EYS: variants seen among roughly 807,000 people sequenced by gnomAD.
EYS encodes EGF-like photoreceptor maintenance factor, also known as protein eyes shut homolog.
A neutral mutation model predicts 282.1 loss-of-function variants in EYS; 250 were observed. That is an observed-to-expected ratio of 0.89 (90% CI 0.80 to 0.98). The LOEUF is 0.98. Ranked by LOEUF, EYS falls within the 50% of genes least tolerant of loss-of-function variation. EYS has a pLI of 0.00. For synonymous variants in EYS, 1,355 were observed against 1,282.9 expected, an observed-to-expected ratio of 1.06 and a Z score of -1.20; for missense variants, 4,016 against 3,709.0, an observed-to-expected ratio of 1.08 and a Z score of -2.15.
At chr6:65,230,839 A>G (rs1295152540) in intron 12 of EYS, among the ~76,000 whole-genome samples, 1 of 151,478 alleles carries the variant, frequency 6.6e-6, no homozygotes, top group African/African-American at 2.4e-5. Context: ...TTGTTTTGGG[A>G]AAAAAATATT....
intron 31 of EYS, among the ~76,000 whole-genome samples, chr6:64,126,302 C>A (rs142489012): frequency 1.5e-5 from 2 of 130,298 alleles, no homozygotes; most frequent in Non-Finnish European, 3.4e-5. Flanking sequence ...TTGGAACCAA[C>A]CCAAATGTCC....
intron 36 of EYS, among the ~76,000 whole-genome samples, chr6:63,811,600 GTCTC>G (rs1724642247): frequency 6.6e-6 from 1 of 151,962 alleles, no homozygotes; most frequent in African/African-American, 2.4e-5. Context: ...TGAGTAAACA[GTCTC>G]TATCCCTGCT....
intron 22 of EYS, among the ~76,000 whole-genome samples, chr6:64,647,036 AT>A (rs1768378831): frequency 6.6e-6 from 1 of 152,106 alleles, no homozygotes; most frequent in Non-Finnish European, 1.5e-5. Flanking sequence ...TTTTTTTCTA[AT>A]TTTCCAACTT....
intron 31 of EYS, among the ~76,000 whole-genome samples, chr6:64,151,323 A>ATATATATATATATATT (rs1774707947): frequency 3.1e-5 from 2 of 64,720 alleles, no homozygotes; most frequent in African/African-American, 1.7e-4. Context: ...ATATTTATAT[A>ATATATATATATATATT]TATATATATA....
rs144065818 is a variant in EYS, at chr6:65,091,064, A to C, written c.2024-33337T>G. Among the ~76,000 whole-genome samples the C allele has an allele frequency of 3.9e-3, 588 of 152,130 alleles. 3 individuals carry two copies. Among genetic ancestry groups the C allele is most frequent in the Non-Finnish European group, 6.0e-3 (409 of 67,992 alleles). ...AAACATGCATTTTTTAGAGTATAAG[A>C]AATAAACACTAATTGTTAAATTATA... On this transcript the variant is annotated intron_variant, in intron 12 of 42. Coordinates refer to ENST00000503581, the MANE Select transcript of EYS (RefSeq NM_001142800.2).
intron 12 of EYS, among the ~76,000 whole-genome samples, chr6:65,255,531 G>A (rs1192312942): frequency 1.3e-5 from 2 of 152,006 alleles, no homozygotes; most frequent in East Asian, 3.9e-4. Context: ...CAAGCTAAAA[G>A]CTTCTGTACA....
chr6:64,727,651 T>C (rs1403955146), intron 22 of EYS, among the ~76,000 whole-genome samples: 1 of 152,118 alleles, frequency 6.6e-6, no homozygotes, highest in East Asian at 1.9e-4. Flanking sequence ...TAAAGGTGAG[T>C]CTTGTTTTTA....
chr6:64,751,491 T>C (rs1288516320), intron 22 of EYS, among the ~76,000 whole-genome samples: 1 of 152,176 alleles, frequency 6.6e-6, no homozygotes, highest in Non-Finnish European at 1.5e-5. Flanking sequence ...GCCTTTGAGA[T>C]ACCTGTAGGT....
intron 13 of EYS, among the ~76,000 whole-genome samples, chr6:65,015,409 T>TGGGACAAGATC (rs1290550358): frequency 6.6e-6 from 1 of 152,206 alleles, no homozygotes; most frequent in Non-Finnish European, 1.5e-5. Context: ...GACAAGATCC[T>TGGGACAAGATC]ACAAGTCTTT....
chr6:65,253,619 TA>T (rs1213129683), intron 12 of EYS, among the ~76,000 whole-genome samples: 3 of 151,864 alleles, frequency 2.0e-5, no homozygotes, highest in Non-Finnish European at 4.4e-5. Context: ...GAAATTATTC[TA>T]AAAACAATAT....
At chr6:65,038,012 T>C (rs1398242800) in intron 13 of EYS, among the ~76,000 whole-genome samples, 1 of 151,626 alleles carries the variant, frequency 6.6e-6, no homozygotes, top group African/African-American at 2.4e-5. Context: ...ATTTCAACAA[T>C]ATCTACAAAT....
chr6:63,905,993 T>C (rs1773771325), intron 35 of EYS, among the ~76,000 whole-genome samples: 1 of 152,214 alleles, frequency 6.6e-6, no homozygotes, highest in South Asian at 2.1e-4. Context: ...GCTCAATCCC[T>C]GAAGCTCATT....
chr6:65,076,430 T>C (rs1774053288), intron 12 of EYS, among the ~76,000 whole-genome samples: 1 of 152,034 alleles, frequency 6.6e-6, no homozygotes, highest in African/African-American at 2.4e-5. Flanking sequence ...TTATAGGGTA[T>C]GAGGCATCCC....
intron 12 of EYS, among the ~76,000 whole-genome samples, chr6:65,135,522 T>C (rs978773448): frequency 1.4e-4 from 22 of 152,068 alleles, no homozygotes; most frequent in Non-Finnish European, 2.9e-5. Context: ...ATAAAGAATG[T>C]AGTTTCAGTG....
chr6:65,213,656 C>T (rs1439672287), intron 12 of EYS, among the ~76,000 whole-genome samples: 2 of 152,084 alleles, frequency 1.3e-5, no homozygotes, highest in South Asian at 2.1e-4. Flanking sequence ...AACTTAATTG[C>T]TAAATGTTGT....
intron 26 of EYS, among the ~76,000 whole-genome samples, chr6:64,451,515 C>T (rs1232424176): frequency 2.0e-5 from 3 of 152,080 alleles, no homozygotes; most frequent in Admixed American, 6.6e-5. Flanking sequence ...TTTATGAGGC[C>T]AGCATCAACC....
At chr6:64,679,025 T>A (rs1769803445) in intron 22 of EYS, among the ~76,000 whole-genome samples, 1 of 151,116 alleles carries the variant, frequency 6.6e-6, no homozygotes, top group African/African-American at 2.4e-5. Context: ...ATGTGTTCAA[T>A]ATGTTATACA....
intron 7 of EYS, among the ~76,000 whole-genome samples, chr6:65,390,725 T>A (rs1287503708): frequency 2.6e-5 from 4 of 151,630 alleles, no homozygotes; most frequent in Non-Finnish European, 5.9e-5. Flanking sequence ...ATCCACAATT[T>A]CTTTTTTTCA....
At chr6:63,951,497 C>T (rs1447542583) in intron 35 of EYS, among the ~76,000 whole-genome samples, 2 of 152,028 alleles carry the variant, frequency 1.3e-5, no homozygotes, top group Non-Finnish European at 2.9e-5. Context: ...CCCCAAGCAT[C>T]ACTGAGTCTT....
Sources: allele counts gnomAD v4.1 joint callset (sites outside exome capture counted in the v4.1 genomes callset), GRCh38; gene constraint gnomAD v4.1.1; transcripts MANE v1.5; gene names NCBI Gene and HGNC (gene_info 2026-07-23, HGNC 2026-07-21).